TFF2: variants seen among roughly 807,000 people sequenced by gnomAD.
TFF2 encodes the protein trefoil factor 2.
Under a neutral mutation model 16.0 loss-of-function variants are expected in TFF2, and 19 were observed. That is an observed-to-expected ratio of 1.19 (90% CI 0.83 to 1.74). The LOEUF (loss-of-function observed/expected upper bound fraction) is 1.74, where lower values mean the gene tolerates loss of function less well. Ranked by LOEUF, TFF2 falls within the 40% of genes most tolerant of loss-of-function variation. TFF2 has a pLI of 0.00. For missense variants in TFF2, 168 were observed against 166.8 expected, an observed-to-expected ratio of 1.01 and a Z score of -0.04; for synonymous variants, 61 against 65.4, an observed-to-expected ratio of 0.93 and a Z score of 0.32.
Position 42,347,474 on chromosome 21 carries a change from C to A in TFF2, c.376+12G>T. 1 of 1,614,096 alleles carries A rather than the reference C, an allele frequency of 6.2e-7. No homozygotes were observed. The highest frequency in any genetic ancestry group is 8.5e-7 in the Non-Finnish European group (1 of 1,179,962). ...TCCGGGAACCAGACAGAGAGTCCCA[C>A]AGCGACGTTACCTTCCACAGACTTC... On this transcript the variant is annotated intron_variant, in intron 3 of 3. Coordinates refer to ENST00000291526, the MANE Select transcript of TFF2 (RefSeq NM_005423.5).
At chr21:42,350,068 C>A in intron 1 of TFF2, 38 bp from the exon 2 acceptor site, 3 of 1,569,652 alleles carry the variant, frequency 1.9e-6, no homozygotes, top group East Asian at 4.6e-5. Context: ...CCCTGGTACC[C>A]CAGACCACAC....
Position 42,349,990 on chromosome 21 carries a change from C to A in TFF2, c.120G>T (p.Thr40=). 6.2e-7 allele frequency: 1 copy of A among 1,600,312 alleles called. No homozygotes were observed. Among genetic ancestry groups the A allele is most frequent in the South Asian group, 1.1e-5 (1 of 88,350 alleles). ...QCSRLSPHNR[T]NCGFPGITSD... is the part of the protein sequence containing the mutation. Reference sequence around the variant, plus strand: ...TGGTGATTCCAGGGAAGCCGCAGTTCGTCCTGTTATGGGGGCTCAGCCTGG... The same window carrying A: ...TGGTGATTCCAGGGAAGCCGCAGTTAGTCCTGTTATGGGGGCTCAGCCTGG... The change falls in exon 2 of 4, where the codon ACG becomes ACT. Residue 40 remains threonine, a synonymous_variant. Transcript: ENST00000291526.
At chr21:42,346,897 C>T (rs1403584481) in intron 3 of TFF2, among the ~76,000 whole-genome samples, 1 of 152,226 alleles carries the variant, frequency 6.6e-6, no homozygotes, top group Non-Finnish European at 1.5e-5. Flanking sequence ...GTAGCTCTTT[C>T]CCCATTTTCC....
At chr21:42,347,449 T>A (rs1173697558) in intron 3 of TFF2, 37 bp downstream of exon 3, 8 of 1,613,372 alleles carry the variant, frequency 5.0e-6, no homozygotes, top group Admixed American at 3.3e-5. Context: ...AATCATGGTG[T>A]CCGGGAACCA....
Position 42,347,552 on chromosome 21 carries a change from G to A in TFF2, c.310C>T (p.Arg104Trp), listed in dbSNP as rs1223519405. 3.1e-6 allele frequency: 5 copies of A among 1,614,110 alleles called. No individual in the cohort carries two copies. Among genetic ancestry groups the A allele is most frequent in the South Asian group, 1.1e-5 (1 of 91,090 alleles). Reference sequence around the variant, plus strand: ...ATGAAGTTGGAGAAGCAGCACTTCCGAGAGGCGCATTCCTCGGGGCTGATG... The same window carrying A: ...ATGAAGTTGGAGAAGCAGCACTTCCAAGAGGCGCATTCCTCGGGGCTGATG... ...PGISPEECAS[R>W]KCCFSNFIFE... The change falls in exon 3 of 4, where the codon CGG (arginine) becomes TGG (tryptophan). Residue 104 changes from arginine to tryptophan, a missense_variant. By Grantham distance (101) the Arg-to-Trp change is moderately radical. Transcript: ENST00000291526.
At chr21:42,350,603 G>C (rs147204115) in intron 1 of TFF2, among the ~76,000 whole-genome samples, 132 of 152,296 alleles carry the variant, frequency 8.7e-4, no homozygotes, top group Middle Eastern at 3.4e-3. Context: ...ATCCAGGCGA[G>C]AGGTGAGTGC....
intron 3 of TFF2, among the ~76,000 whole-genome samples, chr21:42,346,785 T>TA (rs200449552): frequency 3.9e-5 from 6 of 152,096 alleles, no homozygotes; most frequent in East Asian, 3.8e-4. Flanking sequence ...TTAGGTCACA[T>TA]AAAAAAAATC....
At chr21:42,348,760 C>A (rs1418977123) in intron 2 of TFF2, among the ~76,000 whole-genome samples, 1 of 151,468 alleles carries the variant, frequency 6.6e-6, no homozygotes, top group East Asian at 1.9e-4. Flanking sequence ...ACCAACCTAA[C>A]CAACCTGGGC....
chr21:42,349,316 G>A (rs1239519387), intron 2 of TFF2, among the ~76,000 whole-genome samples: 3 of 149,816 alleles, frequency 2.0e-5, no homozygotes, highest in African/African-American at 7.4e-5. Flanking sequence ...ACCTGTGCTA[G>A]CTCCAAACTA....
At chr21:42,348,236 C>A (rs1427143811) in intron 2 of TFF2, among the ~76,000 whole-genome samples, 4 of 152,114 alleles carry the variant, frequency 2.6e-5, no homozygotes, top group African/African-American at 9.7e-5. Flanking sequence ...CCTTTGAGCA[C>A]TCGTCGGCGT....
intron 1 of TFF2, chr21:42,350,380 A>G (rs1194967709): frequency 1.5e-5 from 3 of 204,386 alleles, no homozygotes; most frequent in African/African-American, 7.0e-5. Context: ...TACAAAAAAA[A>G]AAATTGGCCG....
At chr21:42,349,597 G>A (rs947652283) in intron 2 of TFF2, among the ~76,000 whole-genome samples, 2 of 150,966 alleles carry the variant, frequency 1.3e-5, no homozygotes, top group African/African-American at 2.4e-5. Flanking sequence ...ACCTGGGCTA[G>A]CCTTAGACTA....
chr21:42,347,380 G>T, intron 3 of TFF2, 106 bp downstream of exon 3: 1 of 1,484,398 alleles, frequency 6.7e-7, no homozygotes, highest in Non-Finnish European at 9.2e-7. Context: ...TGGCCTCGAT[G>T]GCACTGAGGC....
rs142860015 is a variant in TFF2, at chr21:42,350,793, CT to C, written c.79+85del. 8.5e-3 allele frequency: 11,855 copies of C among 1,399,608 alleles called. 778 individuals carry two copies. The African/African-American group carries it at 0.15, about 17-fold the overall frequency. 86.7% of individuals were successfully genotyped at this position (1,399,608 alleles called of 1,614,324 possible). On this transcript the variant is annotated intron_variant, in intron 1 of 3. Transcript: ENST00000291526. ...CCAGATGCCTTTATAGCCATTCCCC[CT>C]CTCAAGTTAATTTATGGTTGTGCTT... is the stretch of plus-strand genomic sequence containing the variant.
intron 1 of TFF2, chr21:42,350,231 GA>G (rs5844112): frequency 0.31 from 278,521 of 906,986 alleles, 4,267 homozygotes; most frequent in Middle Eastern, 0.36. Flanking sequence ...AGTTTAAAAG[GA>G]AAAAAAAAAA....
At chr21:42,349,799 C>T (rs1052207384) in intron 2 of TFF2, 82 bp downstream of exon 2, 32 of 1,412,418 alleles carry the variant, frequency 2.3e-5, no homozygotes, top group African/African-American at 1.8e-4. Flanking sequence ...GGGCCTCCTC[C>T]GGCCCCTGCT....
At chr21:42,348,138 C>T (rs183360256) in intron 2 of TFF2, among the ~76,000 whole-genome samples, 87 of 152,346 alleles carry the variant, frequency 5.7e-4, no homozygotes, top group Non-Finnish European at 1.1e-3. Flanking sequence ...CAGCAAGCCT[C>T]CCAGCAACAA....
intron 3 of TFF2, 28 bp from the exon 4 acceptor site, chr21:42,346,574 T>C: frequency 6.3e-7 from 1 of 1,588,746 alleles, no homozygotes; most frequent in South Asian, 1.2e-5. Context: ...AGATGGTTGG[T>C]AAGGGAACCC....
intron 2 of TFF2, among the ~76,000 whole-genome samples, chr21:42,348,447 A>T (rs57537179): frequency 0.057 from 8,645 of 152,046 alleles, 426 homozygotes; most frequent in African/African-American, 0.13. Context: ...ATATATATAT[A>T]TTTTTTTCTC....
Sources: gnomAD v4.1 joint callset for allele counts (sites outside exome capture counted in the v4.1 genomes callset) on GRCh38, gnomAD v4.1.1 for gene constraint, MANE v1.5 for transcripts, NCBI Gene and HGNC (gene_info 2026-07-23, HGNC 2026-07-21) for gene names.